Variants in KRT12 observed in about 807,000 individuals in gnomAD.
KRT12 encodes keratin, type I cytoskeletal 12.
In KRT12, 43 loss-of-function variants were observed where a neutral mutation model predicts 50.2. That is an observed-to-expected ratio of 0.86 (90% confidence interval 0.67 to 1.11). The LOEUF (loss-of-function observed/expected upper bound fraction) is 1.11. Ranked by LOEUF, KRT12 falls within the 50% of genes least tolerant of loss-of-function variation. The probability of loss-of-function intolerance (pLI) is 0.00; values close to 1 mark genes in which losing one functional copy is unlikely to be tolerated. For synonymous variants in KRT12, 257 were observed against 253.6 expected (o/e 1.01, Z -0.13); for missense variants, 588 against 625.6 (o/e 0.94, Z 0.64).
chr17:40,864,809 C>T lies in KRT12; in HGVS notation c.804G>A (p.Glu268=), dbSNP rs1180592425. 1 of 1,614,030 alleles carries T rather than the reference C, an allele frequency of 6.2e-7. No homozygotes were observed. Among genetic ancestry groups the T allele is most frequent in the African/African-American group, 1.3e-5 (1 of 74,938 alleles). Residue 268 remains glutamate (E), a synonymous_variant, in exon 3 of 8, where the codon GAG becomes GAA. Transcript: ENST00000251643. The part of the protein sequence containing the change: ...EELAYMKKNH[E]DELQSFRVGG... Reference sequence around the variant, plus strand: ...GAGGCTGCCCTGTCTGACTCACATCCTCGTGGTTCTTCTTCATGTAGGCCA... The same window carrying T: ...GAGGCTGCCCTGTCTGACTCACATCTTCGTGGTTCTTCTTCATGTAGGCCA...
intron 3 of KRT12, among the ~76,000 whole-genome samples, chr17:40,864,313 C>T (rs1482840672): frequency 6.6e-6 from 1 of 152,104 alleles, no homozygotes; most frequent in Non-Finnish European, 1.5e-5. Flanking sequence ...CCACAATCAT[C>T]GAAAATCTAG....
chr17:40,863,598 G>A lies in KRT12; in HGVS notation c.982C>T (p.Arg328Cys). 3 of 1,614,194 alleles carry A rather than the reference G, an allele frequency of 1.9e-6. No individual in the cohort carries two copies. Among genetic ancestry groups the A allele is most frequent in the Admixed American group, 1.7e-5 (1 of 60,028 alleles). ...AWFIEKSGEL[R>C]KEISTNTEQL... ...TCGGTGTTGGTGCTAATCTCCTTAC[G>A]GAGCTCCCCGCTCTGCAACAGCAAA... Residue 328 changes from arginine (R) to cysteine (C), a missense_variant, in exon 5 of 8, where the codon CGT (arginine) becomes TGT (cysteine). By Grantham distance (180) the Arg-to-Cys change is radical. Coordinates refer to ENST00000251643, the MANE Select transcript of KRT12 (RefSeq NM_000223.4). The surrounding 1 kb of genome is among the most constrained non-coding windows in gnomAD (Gnocchi z 4.2).
At chr17:40,862,097 C>T (rs1050042873) in intron 7 of KRT12, among the ~76,000 whole-genome samples, 2 of 151,930 alleles carry the variant, frequency 1.3e-5, no homozygotes, top group Non-Finnish European at 2.9e-5. Context: ...AAGACAGGGT[C>T]TGGCTCTGTT....
intron 3 of KRT12, among the ~76,000 whole-genome samples, 165 bp downstream of exon 3, chr17:40,864,639 CAT>C (rs1191318156): frequency 6.6e-6 from 1 of 152,074 alleles, no homozygotes; most frequent in African/African-American, 2.4e-5. Flanking sequence ...CACACACACA[CAT>C]ACCACACACA....
In KRT12 at chr17:40,867,087, A is replaced by T; in HGVS notation, c.100T>A (p.Ser34Thr). The T allele has an allele frequency of 1.9e-6, 3 of 1,613,752 alleles. No individual in the cohort carries two copies. The highest frequency in any genetic ancestry group is 2.5e-6 in the Non-Finnish European group (3 of 1,179,810). ...TAACCACTTCCAACACTGGAAGCAG[A>T]CATGCCCCTGGGTCTGCCTATCACA... ...QSVIGRPRGMSASSVGSGYGG... is the reference protein window; with the variant it reads ...QSVIGRPRGMTASSVGSGYGG... Residue 34 changes from serine to threonine, a missense_variant, in exon 1 of 8, where the codon TCT becomes ACT. Transcript: ENST00000251643.
chr17:40,866,627 C>G lies in KRT12; in HGVS notation c.560G>C (p.Arg187Thr). The G allele has an allele frequency of 6.2e-7, 1 of 1,613,748 alleles. No individual in the cohort carries two copies. Among genetic ancestry groups the G allele is most frequent in the South Asian group, 1.1e-5 (1 of 91,054 alleles). ...SKYYPLIEDLRNKIISASIGN... is the reference protein window; with the variant it reads ...SKYYPLIEDLTNKIISASIGN... The stretch of plus-strand genomic sequence containing the variant: ...CTCCAAAAGAGATCTTACCTTATTC[C>G]TGAGGTCTTCAATCAGTGGATAATA... The change falls in exon 1 of 8, where the codon AGG becomes ACG. Residue 187 changes from arginine (R) to threonine (T), a missense_variant. Arg to Thr is a moderately conservative substitution (Grantham distance 71, BLOSUM62 -1). Coordinates refer to ENST00000251643, the MANE Select transcript of KRT12 (RefSeq NM_000223.4).
intron 2 of KRT12, 63 bp downstream of exon 2, chr17:40,866,092 G>C (rs1330974656): frequency 6.5e-6 from 8 of 1,233,726 alleles, no homozygotes; most frequent in Non-Finnish European, 7.2e-6. Flanking sequence ...ATCAATGAAG[G>C]CAGGACAGTA....
intron 6 of KRT12, 30 bp from the exon 7 acceptor site, chr17:40,862,665 A>G: frequency 1.3e-6 from 2 of 1,494,258 alleles, no homozygotes; most frequent in South Asian, 2.3e-5. Flanking sequence ...ATGACCTCAA[A>G]AAGTGAAACA....
In KRT12 at chr17:40,865,197, C is replaced by T. The variant is rs549256788; in HGVS notation, c.651-235G>A. ...TAAATTATAAGGCAATACTTTCCTA[C>T]CAGCGATGAATCCCAATACCACAGC... On this transcript the variant is annotated intron_variant, in intron 2 of 7. Coordinates refer to ENST00000251643, the MANE Select transcript of KRT12 (RefSeq NM_000223.4). Among the ~76,000 whole-genome samples, 14 of 152,308 alleles carry T rather than the reference C, an allele frequency of 9.2e-5. No homozygotes were observed. In the South Asian group the frequency reaches 2.9e-3, roughly 32 times the overall value.
chr17:40,866,919 C>T lies in KRT12; in HGVS notation c.268G>A (p.Gly90Ser), dbSNP rs750956829. Residue 90 changes from glycine to serine, a missense_variant, in exon 1 of 8, where the codon GGT (glycine) becomes AGT (serine). By Grantham distance (56) the Gly-to-Ser change is moderately conservative. Coordinates refer to ENST00000251643, the MANE Select transcript of KRT12 (RefSeq NM_000223.4). ...CCCAGCCCTCCAAAGCTACCTCCAC[C>T]CAGGGCTCTCCCATAACCAGCACCC... The part of the protein sequence containing the change: ...GLGAGYGRAL[G>S]GGSFGGLGMG... 2.5e-6 allele frequency: 4 copies of T among 1,613,380 alleles called. No individual in the cohort carries two copies. The highest frequency in any genetic ancestry group is 1.1e-5 in the South Asian group (1 of 91,052).
Position 40,866,814 on chromosome 17 carries a change from C to T in KRT12, c.373G>A (p.Glu125Lys). 1.2e-6 allele frequency: 2 copies of T among 1,614,144 alleles called. No homozygotes were observed. The highest frequency in any genetic ancestry group is 1.7e-6 in the Non-Finnish European group (2 of 1,180,024). ...TTAAGATTTTGCATAGTTTCTTTTT[C>T]TGATCCAGAAAGAAGGCCTCCATCA... ...GNDGGLLSGSEKETMQNLNDR... is the reference protein window; with the variant it reads ...GNDGGLLSGSKKETMQNLNDR... The change falls in exon 1 of 8, where the codon GAA (glutamate) becomes AAA (lysine). Residue 125 changes from glutamate (E) to lysine (K), a missense_variant. Coordinates refer to ENST00000251643, the MANE Select transcript of KRT12 (RefSeq NM_000223.4).
chr17:40,862,611 A>T lies in KRT12; in HGVS notation c.1341T>A (p.Phe447Leu). The change falls in exon 7 of 8, where the codon TTT becomes TTA. Residue 447 changes from phenylalanine (F) to leucine (L), a missense_variant. Phe to Leu is a conservative substitution (Grantham distance 22, BLOSUM62 0). Transcript: ENST00000251643. ...AQGDGLEESL[F>L]VTDSKSQAQS... is the part of the protein sequence containing the mutation. ...GTGCTTGTGATTTGGAGTCTGTCAC[A>T]AATAAACTTTCCTCCAAACCATCAC... is the stretch of plus-strand genomic sequence containing the variant. 6.2e-7 allele frequency: 1 copy of T among 1,613,512 alleles called. No individual in the cohort carries two copies.
At chr17:40,864,622 C>T (rs1567740337) in intron 3 of KRT12, among the ~76,000 whole-genome samples, 184 bp downstream of exon 3, 2 of 152,112 alleles carry the variant, frequency 1.3e-5, no homozygotes, top group African/African-American at 4.8e-5. Flanking sequence ...TACCAACACA[C>T]ACACATCACA....
intron 3 of KRT12, 36 bp downstream of exon 3, chr17:40,864,770 A>G: frequency 6.2e-7 from 1 of 1,611,592 alleles, no homozygotes; most frequent in Non-Finnish European, 8.5e-7. Flanking sequence ...GGAGAAAAAA[A>G]AAAGTAGCTG....
chr17:40,861,859 A>G, intron 7 of KRT12, 101 bp from the exon 8 acceptor site: 2 of 786,994 alleles, frequency 2.5e-6, no homozygotes, highest in African/African-American at 3.4e-5. Flanking sequence ...ATTGGTTGAT[A>G]CAATCCATCT....
Position 40,864,755 on chromosome 17 carries a change from G to T in KRT12, c.807+51C>A, listed in dbSNP as rs765721954. 1.4e-5 allele frequency: 22 copies of T among 1,547,136 alleles called. No homozygotes were observed. The Admixed American group carries it at 2.5e-4, about 17-fold the overall frequency. On this transcript the variant is annotated intron_variant, in intron 3 of 7. Coordinates refer to ENST00000251643, the MANE Select transcript of KRT12 (RefSeq NM_000223.4). ...CTAAATTTGAAATTGTAATTTTTGG[G>T]TCTGGGAGAAAAAAAAAAGTAGCTG...
chr17:40,861,723 G>C lies in KRT12; in HGVS notation c.1423C>G (p.Gln475Glu). The change falls in exon 8 of 8, where the codon CAG becomes GAG. Residue 475 changes from glutamine (Q) to glutamate (E), a missense_variant. Coordinates refer to ENST00000251643, the MANE Select transcript of KRT12 (RefSeq NM_000223.4). ...TKTRKIKTVV[Q>E]EMVNGEVVSS... ...ACCACCTCACCATTCACCATCTCCTGCACAACTGTCTTGATTTTTCGGGTT... is the reference window on the plus strand; with the variant it reads ...ACCACCTCACCATTCACCATCTCCTCCACAACTGTCTTGATTTTTCGGGTT... 6.2e-7 allele frequency: 1 copy of C among 1,613,786 alleles called. No individual in the cohort carries two copies. The highest frequency in any genetic ancestry group is 8.5e-7 in the Non-Finnish European group (1 of 1,179,734).
chr17:40,866,360 A>G (rs1907022167), intron 1 of KRT12, 123 bp from the exon 2 acceptor site: 1 of 826,186 alleles, frequency 1.2e-6, no homozygotes, highest in Non-Finnish European at 2.0e-6. Flanking sequence ...AGTTTAAGAC[A>G]GTTTCATTTT....
At chr17:40,861,890 A>G in intron 7 of KRT12, 132 bp from the exon 8 acceptor site, 1 of 697,280 alleles carries the variant, frequency 1.4e-6, no homozygotes, top group Non-Finnish European at 2.6e-6. Context: ...TCAAAAGTAA[A>G]TTTTACTTCT....
Sources: allele counts gnomAD v4.1 joint callset (sites outside exome capture counted in the v4.1 genomes callset), GRCh38; gene constraint gnomAD v4.1.1; non-coding constraint Gnocchi (gnomAD v3.1); transcripts MANE v1.5; gene names NCBI Gene and HGNC (gene_info 2026-07-23, HGNC 2026-07-21).